RIPOR1: variants seen among roughly 807,000 people sequenced by gnomAD.
RIPOR1 encodes the protein RHO family interacting cell polarization regulator 1.
A neutral mutation model predicts 116.5 loss-of-function variants in RIPOR1; 58 were observed. The observed-to-expected ratio is 0.50, with a 90% confidence interval of 0.40 to 0.62. The LOEUF is 0.62. Among genes scored for constraint, RIPOR1 ranks in the 20% least tolerant of loss-of-function variants. The pLI, the probability that RIPOR1 is intolerant of heterozygous loss-of-function variation, is 0.00. For synonymous variants in RIPOR1, 605 were observed against 650.0 expected (o/e 0.93, Z 1.05); for missense variants, 1,372 against 1,586.2 (o/e 0.86, Z 2.29).
At position 67,543,467 on chromosome 16, in the gene RIPOR1, C is replaced by T; in HGVS notation, c.2598C>T (p.Asp866=). 6.4e-7 allele frequency: 1 copy of T among 1,551,230 alleles called. No individual in the cohort carries two copies. The highest frequency in any genetic ancestry group is 1.2e-5 in the South Asian group (1 of 84,146). ...DEDEDNDVPG[D]RPPSSPEAGA... ...ATGAAGACAATGATGTTCCTGGGGA[C>T]AGGTGAGGGGGCTAGGCAAGATGGG... Residue 866 remains aspartate (D), a splice_region_variant and synonymous_variant, in exon 14 of 22, where the codon GAC becomes GAT. Transcript: ENST00000042381. This position sits in a 1 kb window ranked among gnomAD's most constrained non-coding sequence, Gnocchi z 4.7.
chr16:67,539,197 C>G, intron 4 of RIPOR1, 129 bp downstream of exon 4: 1 of 771,468 alleles, frequency 1.3e-6, no homozygotes, highest in South Asian at 1.9e-5. Flanking sequence ...AAGGGGATAT[C>G]AGGAAAGGCT....
chr16:67,521,041 G>A (rs2050491005), intron 1 of RIPOR1, among the ~76,000 whole-genome samples: 1 of 152,140 alleles, frequency 6.6e-6, no homozygotes, highest in African/African-American at 2.4e-5. Context: ...AGAGGCTTTG[G>A]CATATGGAGG....
intron 1 of RIPOR1, among the ~76,000 whole-genome samples, chr16:67,523,271 A>C (rs547932428): frequency 2.0e-5 from 3 of 152,178 alleles, no homozygotes; most frequent in South Asian, 2.1e-4. Context: ...CTGATTAAAC[A>C]AGCCAGTACT....
At position 67,542,642 on chromosome 16, in the gene RIPOR1, C is replaced by T. The variant is rs2142570634; in HGVS notation, c.1856C>T (p.Ser619Phe). Residue 619 changes from serine (S) to phenylalanine (F), a missense_variant, in exon 13 of 22, where the codon TCC becomes TTC. By Grantham distance (155) the Ser-to-Phe change is radical. Coordinates refer to ENST00000042381, the MANE Select transcript of RIPOR1 (RefSeq NM_024519.4). The surrounding 1 kb of genome is among the most constrained non-coding windows in gnomAD (Gnocchi z 4.6). ...ACCACAGCAAGCCCCACTCATACTT[C>T]CACAAGCCCCACCCATACCCCCACA... ...THTTASPTHT[S>F]TSPTHTPTSP... The T allele has an allele frequency of 6.2e-7, 1 of 1,613,292 alleles. No individual in the cohort carries two copies. Among genetic ancestry groups the T allele is most frequent in the East Asian group, 2.2e-5 (1 of 44,788 alleles).
chr16:67,526,737 A>T (rs935848444), upstream of RIPOR1, among the ~76,000 whole-genome samples: 1 of 152,192 alleles, frequency 6.6e-6, no homozygotes, highest in Admixed American at 6.5e-5. Context: ...GGCCATGGTG[A>T]GCAGTATGAA....
chr16:67,537,942 G>A lies in RIPOR1; in HGVS notation c.-23-482G>A. 1 of 252,210 alleles carries A rather than the reference G, an allele frequency of 4.0e-6. No homozygotes were observed. Among genetic ancestry groups the A allele is most frequent in the East Asian group, 7.2e-5 (1 of 13,810 alleles). The allele number at this position is 252,210 out of a possible 1,614,324, so 15.6% of individuals were successfully genotyped here. On this transcript the variant is annotated intron_variant, in intron 1 of 21. Transcript: ENST00000042381. The surrounding 1 kb of genome is among the most constrained non-coding windows in gnomAD (Gnocchi z 4.6). ...CCGCACCGGCTGGGCCTGTCGGGCAGCTCCGCAGGGCTCCGAGCGTGGCCC... is the reference window on the plus strand; with the variant it reads ...CCGCACCGGCTGGGCCTGTCGGGCAACTCCGCAGGGCTCCGAGCGTGGCCC...
At chr16:67,533,686 G>A (rs2050719246) in intron 1 of RIPOR1, among the ~76,000 whole-genome samples, 1 of 152,018 alleles carries the variant, frequency 6.6e-6, no homozygotes, top group South Asian at 2.1e-4. Context: ...AGGAGCAGGC[G>A]GGTGTAGTGA....
At chr16:67,527,082 GAGA>G (rs1567559306), upstream of RIPOR1, among the ~76,000 whole-genome samples, 1 of 152,322 alleles carries the variant, frequency 6.6e-6, no homozygotes, top group African/African-American at 2.4e-5. Flanking sequence ...GGTGAATAAA[GAGA>G]AGAACTCAGC....
rs2050864092 is a variant in RIPOR1, at chr16:67,538,404, A to AT, written c.-23-20_-23-19insT. ...TTCGGGGATCCGACTGGTACTGGACACCCCCCCGATCACCCGCAGGGAGCC... is the reference window on the plus strand; with the variant it reads ...TTCGGGGATCCGACTGGTACTGGACATCCCCCCCGATCACCCGCAGGGAGCC... On this transcript the variant is annotated intron_variant, in intron 1 of 21. Transcript: ENST00000042381. The AT allele has an allele frequency of 6.4e-7, 1 of 1,551,716 alleles. No homozygotes were observed. Among genetic ancestry groups the AT allele is most frequent in the African/African-American group, 1.4e-5 (1 of 72,470 alleles).
Position 67,545,831 on chromosome 16 carries a change from C to T in RIPOR1, c.3358C>T (p.Leu1120=). Residue 1120 remains leucine (L), a synonymous_variant, in exon 19 of 22, where the codon CTG becomes TTG. Transcript: ENST00000042381. This position sits in a 1 kb window ranked among gnomAD's most constrained non-coding sequence, Gnocchi z 4.8. ...TGCTGTCAGCACCCAGCTCCGGAGC[C>T]TGTCACTGGGCCCTACCTTCCGGGA... The part of the protein sequence containing the change: ...MAAVSTQLRS[L]SLGPTFRERA... The T allele has an allele frequency of 6.2e-7, 1 of 1,608,424 alleles. No individual in the cohort carries two copies. The highest frequency in any genetic ancestry group is 8.5e-7 in the Non-Finnish European group (1 of 1,177,018).
At position 67,537,626 on chromosome 16, in the gene RIPOR1, T is replaced by C. The variant is rs979524806; in HGVS notation, c.-23-798T>C. 17 of 1,373,904 alleles carry C rather than the reference T, an allele frequency of 1.2e-5. No homozygotes were observed. The highest frequency in any genetic ancestry group is 5.7e-6 in the Non-Finnish European group (6 of 1,052,674). The allele number at this position is 1,373,904 out of a possible 1,614,324, so 85.1% of individuals were successfully genotyped here. On this transcript the variant is annotated intron_variant, in intron 1 of 21. Transcript: ENST00000042381. This position sits in a 1 kb window ranked among gnomAD's most constrained non-coding sequence, Gnocchi z 4.6. ...GGACCCAGCTCGGGGCTGCGAAAGC[T>C]CAGGGACTGGCCCCAGGGGAAGCAG...
Position 67,533,228 on chromosome 16 carries a change from C to G in RIPOR1, c.-24+4314C>G, listed in dbSNP as rs566190707. 5.9e-5 allele frequency among the ~76,000 whole-genome samples: 9 copies of G among 152,246 alleles called. No individual in the cohort carries two copies. The South Asian group carries it at 1.9e-3, about 32-fold the overall frequency. On this transcript the variant is annotated intron_variant, in intron 1 of 21. Transcript: ENST00000042381. The stretch of plus-strand genomic sequence containing the variant: ...GAAAGTGGTGAATTTGGTTTGGGAA[C>G]CTCAAACCCAGCATGCACTATGACA...
intron 1 of RIPOR1, among the ~76,000 whole-genome samples, chr16:67,520,062 CA>C (rs796368368): frequency 0.081 from 3,726 of 45,778 alleles, 33 homozygotes; most frequent in Middle Eastern, 0.14. Flanking sequence ...AACTCCGTCT[CA>C]AAAAAAAAAA....
In RIPOR1 at chr16:67,540,407, T is replaced by C; in HGVS notation, c.631+44T>C. 6.2e-7 allele frequency: 1 copy of C among 1,614,182 alleles called. No individual in the cohort carries two copies. On this transcript the variant is annotated intron_variant, in intron 8 of 21. Coordinates refer to ENST00000042381, the MANE Select transcript of RIPOR1 (RefSeq NM_024519.4). This position sits in a 1 kb window ranked among gnomAD's most constrained non-coding sequence, Gnocchi z 4.7. ...AGGTGGGGGGCTGGAGGGAGTATGCTGAAGAACCCCAATATGGCTCACCGA... is the reference window on the plus strand; with the variant it reads ...AGGTGGGGGGCTGGAGGGAGTATGCCGAAGAACCCCAATATGGCTCACCGA...
At chr16:67,546,340 C>G in intron 21 of RIPOR1, 26 bp from the exon 22 acceptor site, 1 of 1,611,934 alleles carries the variant, frequency 6.2e-7, no homozygotes. Flanking sequence ...TAGGGCCACC[C>G]TTGACCTCAT....
chr16:67,545,487 T>C lies in RIPOR1; in HGVS notation c.3143T>C (p.Leu1048Ser). The part of the protein sequence containing the change: ...VFQFWSFVET[L>S]DSPTMEAYVT... ...CAGTTCTGGAGTTTTGTGGAAACCT[T>C]GGACAGCCCCACCATGGAGGCCTAC... The change falls in exon 18 of 22, where the codon TTG becomes TCG. Residue 1048 changes from leucine to serine, a missense_variant. This residue lies in a region of RIPOR1 where 1,005 missense variants were observed against 1,144.7 expected (regional missense o/e 0.88). Coordinates refer to ENST00000042381, the MANE Select transcript of RIPOR1 (RefSeq NM_024519.4). This position sits in a 1 kb window ranked among gnomAD's most constrained non-coding sequence, Gnocchi z 4.8. The C allele has an allele frequency of 6.2e-7, 1 of 1,613,990 alleles. No homozygotes were observed. Among genetic ancestry groups the C allele is most frequent in the Non-Finnish European group, 8.5e-7 (1 of 1,180,010 alleles).
upstream of RIPOR1, among the ~76,000 whole-genome samples, chr16:67,527,199 G>A (rs1044865658): frequency 3.3e-5 from 5 of 151,630 alleles, no homozygotes; most frequent in African/African-American, 1.2e-4. Flanking sequence ...CAAGGTGGGT[G>A]GATCGCTTGA....
chr16:67,531,550 G>A lies in RIPOR1; in HGVS notation c.-24+2636G>A, dbSNP rs2050660430. 2.2e-6 allele frequency: 1 copy of A among 446,206 alleles called. No individual in the cohort carries two copies. Among genetic ancestry groups the A allele is most frequent in the Non-Finnish European group, 4.5e-6 (1 of 222,282 alleles). 27.6% of individuals were successfully genotyped at this position (446,206 alleles called of 1,614,324 possible). ...AAGTCATAGGGTAGACTTGAGGAAG[G>A]AGAGGGACTTGGGGCTGAGTAGTGG... On this transcript the variant is annotated intron_variant, in intron 1 of 21. Transcript: ENST00000042381. This position sits in a 1 kb window ranked among gnomAD's most constrained non-coding sequence, Gnocchi z 4.2.
intron 1 of RIPOR1, 65 bp downstream of exon 1, chr16:67,528,979 GC>G (rs945098467): frequency 9.3e-5 from 16 of 171,322 alleles, no homozygotes; most frequent in South Asian, 4.8e-4. Flanking sequence ...AGGTTCTGGT[GC>G]CCCCCCGCCG....
Sources: allele counts gnomAD v4.1 joint callset (sites outside exome capture counted in the v4.1 genomes callset), GRCh38; gene constraint gnomAD v4.1.1; regional missense constraint gnomAD v4.1.1; non-coding constraint Gnocchi (gnomAD v3.1); transcripts MANE v1.5; gene names NCBI Gene and HGNC (gene_info 2026-07-23, HGNC 2026-07-21).